Variants in YWHAG observed in about 807,000 individuals in gnomAD.
YWHAG encodes 14-3-3 protein gamma.
YWHAG carries 1 observed loss-of-function variant against 23.3 expected under a neutral mutation model. The ratio of observed to expected loss-of-function variants is 0.04; its 90% confidence interval spans 0.02 to 0.20. YWHAG has a LOEUF of 0.20. Ranked by LOEUF, YWHAG falls within the 10% of genes least tolerant of loss-of-function variation. YWHAG has a pLI of 1.00. For synonymous variants in YWHAG, 160 were observed against 144.0 expected, an observed-to-expected ratio of 1.11 and a Z score of -0.80; for missense variants, 151 against 338.6, an observed-to-expected ratio of 0.45 and a Z score of 4.35.
At chr7:76,333,083 C>T (rs1458079741) in intron 1 of YWHAG, among the ~76,000 whole-genome samples, 1 of 152,186 alleles carries the variant, frequency 6.6e-6, no homozygotes, top group Non-Finnish European at 1.5e-5. Context: ...AGCAATCCTA[C>T]CTTAGCCTCC....
In YWHAG at chr7:76,330,231, C is replaced by T. The variant is rs778692127; in HGVS notation, c.90G>A (p.Val30=). Residue 30 remains valine (V), a splice_region_variant and synonymous_variant, in exon 2 of 2, where the codon GTG becomes GTA. Coordinates refer to ENST00000307630, the MANE Select transcript of YWHAG (RefSeq NM_012479.4). ...TCGACAGTGGCTCATTCAGCTCTGT[C>T]ACCTGCCAGGAGGAAAGAACAGAGT... The part of the protein sequence containing the change: ...YDDMAAAMKN[V]TELNEPLSNE... 1 of 1,610,624 alleles carries T rather than the reference C, an allele frequency of 6.2e-7. No homozygotes were observed. Among genetic ancestry groups the T allele is most frequent in the Non-Finnish European group, 8.5e-7 (1 of 1,179,420 alleles).
chr7:76,351,091 C>T (rs115981348), intron 1 of YWHAG, among the ~76,000 whole-genome samples: 74 of 152,178 alleles, frequency 4.9e-4, no homozygotes, highest in African/African-American at 1.5e-3. Context: ...GAAAAAGACA[C>T]GATGGAAATA....
intron 1 of YWHAG, among the ~76,000 whole-genome samples, 194 bp downstream of exon 1, chr7:76,358,528 G>A (rs533952395): frequency 6.6e-6 from 1 of 152,286 alleles, no homozygotes; most frequent in South Asian, 2.1e-4. Flanking sequence ...CGGGGCCACG[G>A]GGACTCCGAA....
intron 1 of YWHAG, among the ~76,000 whole-genome samples, chr7:76,338,914 C>T (rs1002393642): frequency 1.3e-5 from 2 of 152,294 alleles, no homozygotes; most frequent in East Asian, 3.9e-4. Context: ...AGAAGGGTCT[C>T]AAAACCAGAC....
chr7:76,346,764 C>G (rs1207415685), intron 1 of YWHAG, among the ~76,000 whole-genome samples: 1 of 152,160 alleles, frequency 6.6e-6, no homozygotes, highest in Admixed American at 6.5e-5. Context: ...TGCCTGGGAT[C>G]TCGCCACACC....
rs1455036766 is a variant in YWHAG at position 76,328,311 on chromosome 7, T to C, written c.*1266A>G. The C allele has an allele frequency of 6.6e-6, 1 of 152,254 alleles. No homozygotes were observed. The highest frequency in any genetic ancestry group is 1.5e-5 in the Non-Finnish European group (1 of 68,052). 9.4% of individuals were successfully genotyped at this position (152,254 alleles called of 1,614,324 possible). On this transcript the variant is annotated 3_prime_UTR_variant, in exon 2 of 2. Coordinates refer to ENST00000307630, the MANE Select transcript of YWHAG (RefSeq NM_012479.4). ...AAACTATCTCGAGAGGAAAAAGTTC[T>C]GGTCAAATAGGAGTTCAGTGTTTGT...
chr7:76,335,946 G>A (rs765003349), intron 1 of YWHAG, among the ~76,000 whole-genome samples: 17 of 151,880 alleles, frequency 1.1e-4, no homozygotes, highest in South Asian at 8.3e-4. Flanking sequence ...CGATCTGTCC[G>A]CACCCCCACC....
chr7:76,354,018 A>G (rs1459154871), intron 1 of YWHAG, among the ~76,000 whole-genome samples: 1 of 146,824 alleles, frequency 6.8e-6, no homozygotes, highest in Non-Finnish European at 1.5e-5. Context: ...GGCTGCAGTG[A>G]GCCATGCTCC....
intron 1 of YWHAG, among the ~76,000 whole-genome samples, chr7:76,352,460 G>A (rs1380439577): frequency 6.6e-6 from 1 of 152,008 alleles, no homozygotes; most frequent in Non-Finnish European, 1.5e-5. Flanking sequence ...CTCCCAACTC[G>A]GACACCCCTG....
intron 1 of YWHAG, among the ~76,000 whole-genome samples, chr7:76,334,727 T>TAAA (rs562043163): frequency 2.2e-5 from 3 of 138,790 alleles, no homozygotes; most frequent in African/African-American, 8.0e-5. Flanking sequence ...TCTTCTTCTT[T>TAAA]AAAAAAAAAA....
At chr7:76,358,214 GGACA>G (rs1803989941) in intron 1 of YWHAG, among the ~76,000 whole-genome samples, 2 of 152,280 alleles carry the variant, frequency 1.3e-5, no homozygotes, top group East Asian at 1.9e-4. Flanking sequence ...GGATGTGTCG[GGACA>G]GACAGTGGGG....
rs755108209 is a variant in YWHAG at position 76,328,349 on chromosome 7, GTTTT to G, written c.*1224_*1227del. 1 of 152,188 alleles carries G rather than the reference GTTTT, an allele frequency of 6.6e-6. No homozygotes were observed. The highest frequency in any genetic ancestry group is 1.5e-5 in the Non-Finnish European group (1 of 68,022). The allele number at this position is 152,188 out of a possible 1,614,324, so 9.4% of individuals were successfully genotyped here. The stretch of plus-strand genomic sequence containing the variant: ...GTTCAGTGTTTGTTATCTGGTAACA[GTTTT>G]TTTATCTTCCTACAATTACTTGGGG... On this transcript the variant is annotated 3_prime_UTR_variant, in exon 2 of 2. Coordinates refer to ENST00000307630, the MANE Select transcript of YWHAG (RefSeq NM_012479.4).
chr7:76,348,421 A>ATTTTT (rs35576700), intron 1 of YWHAG, among the ~76,000 whole-genome samples: 5 of 130,952 alleles, frequency 3.8e-5, no homozygotes, highest in African/African-American at 1.4e-4. Flanking sequence ...ATGCCCGCTA[A>ATTTTT]TTTTTTTTTT....
Position 76,358,722 on chromosome 7 carries a change from G to C in YWHAG, c.87C>G (p.Asn29Lys), listed in dbSNP as rs759666738. Residue 29 changes from asparagine (N) to lysine (K), a missense_variant and splice_region_variant, in exon 1 of 2, where the codon AAC (asparagine) becomes AAG (lysine). Transcript: ENST00000307630. ...GCGGGGGAGGGGAGGAGACACTCACGTTCTTCATGGCCGCGGCCATGTCGT... is the reference window on the plus strand; with the variant it reads ...GCGGGGGAGGGGAGGAGACACTCACCTTCTTCATGGCCGCGGCCATGTCGT... The part of the protein sequence containing the change: ...RYDDMAAAMK[N>K]VTELNEPLSN... 1.3e-6 allele frequency: 2 copies of C among 1,588,804 alleles called. No homozygotes were observed. The highest frequency in any genetic ancestry group is 1.7e-5 in the Admixed American group (1 of 57,206).
At chr7:76,343,835 G>C (rs907447575) in intron 1 of YWHAG, among the ~76,000 whole-genome samples, 2 of 152,212 alleles carry the variant, frequency 1.3e-5, no homozygotes, top group African/African-American at 4.8e-5. Flanking sequence ...GTGAGAGACT[G>C]TGGGTGAGGC....
chr7:76,339,900 C>T (rs1018726217), intron 1 of YWHAG, among the ~76,000 whole-genome samples: 1 of 152,034 alleles, frequency 6.6e-6, no homozygotes, highest in African/African-American at 2.4e-5. Context: ...ACCAGGCTGG[C>T]CAACACGGTG....
Position 76,330,016 on chromosome 7 carries a change from C to T in YWHAG, c.305G>A (p.Ser102Asn), listed in dbSNP as rs1307223884. 1 of 1,614,196 alleles carries T rather than the reference C, an allele frequency of 6.2e-7. No homozygotes were observed. Among genetic ancestry groups the T allele is most frequent in the Non-Finnish European group, 8.5e-7 (1 of 1,180,030 alleles). ...CTTGATCAGGTAGTTATCCAGCAGG[C>T]TCAGCACATCCTGGCACACAGCCTC... Reference protein sequence around the residue: ...ELEAVCQDVLSLLDNYLIKNC... With the variant: ...ELEAVCQDVLNLLDNYLIKNC... Residue 102 changes from serine (S) to asparagine (N), a missense_variant, in exon 2 of 2, where the codon AGC becomes AAC. Physicochemically the swap from Ser to Asn is conservative, Grantham distance 46 (BLOSUM62 1). Transcript: ENST00000307630.
rs1014072349 is a variant in YWHAG, at chr7:76,326,806, T to A, written c.*2771A>T. ...AGCTAAGGAGCACTGGCGTCAGATC[T>A]GTAAGTTTATTTGCTCAATGTACGA... On this transcript the variant is annotated 3_prime_UTR_variant, in exon 2 of 2. Transcript: ENST00000307630. 3 of 152,638 alleles carry A rather than the reference T, an allele frequency of 2.0e-5. No individual in the cohort carries two copies. The highest frequency in any genetic ancestry group is 7.2e-5 in the African/African-American group (3 of 41,454). The allele number at this position is 152,638 out of a possible 1,614,324, so 9.5% of individuals were successfully genotyped here. A position where few individuals can be genotyped will look rare whatever the true frequency, so the allele number is the denominator to read the frequency against.
At position 76,358,892 on chromosome 7, in the gene YWHAG, T is replaced by C; in HGVS notation, c.-84A>G. 7.4e-7 allele frequency: 1 copy of C among 1,358,646 alleles called. No homozygotes were observed. The highest frequency in any genetic ancestry group is 1.5e-5 in the African/African-American group (1 of 67,334). The allele number at this position is 1,358,646 out of a possible 1,614,324, so 84.2% of individuals were successfully genotyped here. A position where few individuals can be genotyped will look rare whatever the true frequency, so the allele number is the denominator to read the frequency against. ...TTGGAGGGCGCGACTGGAGCCCAAG[T>C]GCCGGAGAGGACCGACCCACAGAGC... On this transcript the variant is annotated 5_prime_UTR_variant, in exon 1 of 2. Coordinates refer to ENST00000307630, the MANE Select transcript of YWHAG (RefSeq NM_012479.4).
Sources: allele counts gnomAD v4.1 joint callset (sites outside exome capture counted in the v4.1 genomes callset), GRCh38; gene constraint gnomAD v4.1.1; transcripts MANE v1.5; gene names NCBI Gene and HGNC (gene_info 2026-07-23, HGNC 2026-07-21).